Variants in DPYSL2 observed in about 807,000 individuals in gnomAD.
The protein encoded by DPYSL2 is dihydropyrimidinase like 2, also known as dihydropyrimidinase-related protein 2.
DPYSL2 carries 13 observed loss-of-function variants against 69.9 expected under a neutral mutation model. The observed-to-expected ratio is 0.19, with a 90% CI of 0.12 to 0.30. DPYSL2 has a LOEUF of 0.30. Among genes scored for constraint, DPYSL2 ranks in the 10% least tolerant of loss-of-function variants. The probability of loss-of-function intolerance (pLI) is 1.00; values close to 1 mark genes in which losing one functional copy is unlikely to be tolerated. For synonymous variants in DPYSL2, 326 were observed against 359.1 expected, an observed-to-expected ratio of 0.91 and a Z score of 1.04; for missense variants, 587 against 918.9, an observed-to-expected ratio of 0.64 and a Z score of 4.67.
At chr8:26,595,233 A>G (rs1228973293) in intron 3 of DPYSL2, among the ~76,000 whole-genome samples, 1 of 152,038 alleles carries the variant, frequency 6.6e-6, no homozygotes, top group Non-Finnish European at 1.5e-5. Context: ...AAAAAAAGGT[A>G]TAATGTAGCT....
chr8:26,535,840 A>T (rs1800582976), intron 1 of DPYSL2, among the ~76,000 whole-genome samples: 1 of 151,930 alleles, frequency 6.6e-6, no homozygotes, highest in South Asian at 2.1e-4. Flanking sequence ...GTCCTTGTAA[A>T]GTATTGTTAC....
At chr8:26,637,325 C>A (rs1802944214) in intron 8 of DPYSL2, among the ~76,000 whole-genome samples, 1 of 152,224 alleles carries the variant, frequency 6.6e-6, no homozygotes, top group Non-Finnish European at 1.5e-5. Context: ...TAGGCTCTTT[C>A]CCATCTTGCT....
Position 26,624,404 on chromosome 8 carries a change from C to A in DPYSL2, c.793+97C>A. On this transcript the variant is annotated intron_variant, in intron 4 of 13. Transcript: ENST00000521913. This position sits in a 1 kb window ranked among gnomAD's most constrained non-coding sequence, Gnocchi z 4.7. ...AGAAAGTGATAATGCTTCCAGATCC[C>A]ATTTGTGCCTCATGCCCATGCCTGC... 2 of 1,461,400 alleles carry A rather than the reference C, an allele frequency of 1.4e-6. No homozygotes were observed. The highest frequency in any genetic ancestry group is 1.3e-5 in the South Asian group (1 of 77,286). 90.5% of individuals were successfully genotyped at this position (1,461,400 alleles called of 1,614,324 possible).
intron 3 of DPYSL2, among the ~76,000 whole-genome samples, chr8:26,616,605 G>T (rs1000131798): frequency 2.0e-5 from 3 of 152,248 alleles, no homozygotes; most frequent in Admixed American, 2.0e-4. Flanking sequence ...TGCTGATAGA[G>T]TAAATATCCA....
Position 26,517,784 on chromosome 8 carries a change from C to T in DPYSL2, c.354+3105C>T, listed in dbSNP as rs1808317100. On this transcript the variant is annotated intron_variant, in intron 1 of 13. Coordinates refer to ENST00000521913, the MANE Select transcript of DPYSL2 (RefSeq NM_001197293.3). This position sits in a 1 kb window ranked among gnomAD's most constrained non-coding sequence, Gnocchi z 4.2. ...TTCTCCTCCTCTCCAGGGCAGGTGCCGCTGAATGAACTGCACAGTGCTGCT... is the reference window on the plus strand; with the variant it reads ...TTCTCCTCCTCTCCAGGGCAGGTGCTGCTGAATGAACTGCACAGTGCTGCT... Among the ~76,000 whole-genome samples the T allele has an allele frequency of 6.6e-6, 1 of 152,212 alleles. No homozygotes were observed. The highest frequency in any genetic ancestry group is 6.5e-5 in the Admixed American group (1 of 15,288).
intron 1 of DPYSL2, among the ~76,000 whole-genome samples, chr8:26,519,899 C>G (rs1430112203): frequency 6.6e-6 from 1 of 152,148 alleles, no homozygotes; most frequent in East Asian, 1.9e-4. Flanking sequence ...GTAGATGTTA[C>G]TCTTATTCTT....
Position 26,516,942 on chromosome 8 carries a change from C to G in DPYSL2, c.354+2263C>G, listed in dbSNP as rs555691731. Among the ~76,000 whole-genome samples the G allele has an allele frequency of 8.0e-4, 122 of 152,272 alleles. No individual in the cohort carries two copies. Among genetic ancestry groups the G allele is most frequent in the African/African-American group, 2.9e-3 (121 of 41,554 alleles). ...GTTTATATTTATAACAATGTGACTTCCGAAAAGCTCAACTGGCCCACCATT... is the reference window on the plus strand; with the variant it reads ...GTTTATATTTATAACAATGTGACTTGCGAAAAGCTCAACTGGCCCACCATT... On this transcript the variant is annotated intron_variant, in intron 1 of 13. Transcript: ENST00000521913. The surrounding 1 kb of genome is among the most constrained non-coding windows in gnomAD (Gnocchi z 4.8).
At chr8:26,630,502 A>T (rs996138699) in intron 7 of DPYSL2, among the ~76,000 whole-genome samples, 1 of 152,212 alleles carries the variant, frequency 6.6e-6, no homozygotes, top group African/African-American at 2.4e-5. Context: ...CCCTGTTCAA[A>T]GCTGCCTTCA....
intron 3 of DPYSL2, among the ~76,000 whole-genome samples, chr8:26,594,685 A>G (rs927122062): frequency 6.6e-6 from 1 of 152,158 alleles, no homozygotes; most frequent in Non-Finnish European, 1.5e-5. Context: ...TCTATTGTTT[A>G]TCTAATCTAT....
At chr8:26,622,110 C>CTTCCTTCCTTCT (rs144121740) in intron 3 of DPYSL2, among the ~76,000 whole-genome samples, 1 of 44,588 alleles carries the variant, frequency 2.2e-5, no homozygotes, top group Non-Finnish European at 5.5e-5. Context: ...TCCTTCCTTC[C>CTTCCTTCCTTCT]TTCCTTCCTT....
In DPYSL2 at chr8:26,598,717, T is replaced by A. The variant is rs1437023191; in HGVS notation, c.628+14734T>A. On this transcript the variant is annotated intron_variant, in intron 3 of 13. Coordinates refer to ENST00000521913, the MANE Select transcript of DPYSL2 (RefSeq NM_001197293.3). The surrounding 1 kb of genome is among the most constrained non-coding windows in gnomAD (Gnocchi z 4.2). ...TGAAGCTTCAACACCAAAATCTCTC[T>A]GTTCCTTGTGGGTGGATGGGAGCCT... 8.5e-5 allele frequency among the ~76,000 whole-genome samples: 13 copies of A among 152,184 alleles called. No homozygotes were observed. Among genetic ancestry groups the A allele is most frequent in the African/African-American group, 3.1e-4 (13 of 41,444 alleles).
chr8:26,590,132 C>G (rs1315512355), intron 3 of DPYSL2, among the ~76,000 whole-genome samples: 2 of 152,232 alleles, frequency 1.3e-5, no homozygotes, highest in African/African-American at 4.8e-5. Context: ...TGATTATTCC[C>G]TTTGCAGCAC....
intron 1 of DPYSL2, among the ~76,000 whole-genome samples, chr8:26,535,631 A>ATTTT (rs1406854218): frequency 3.3e-5 from 5 of 149,730 alleles, no homozygotes; most frequent in African/African-American, 1.2e-4. Flanking sequence ...ATATATATAT[A>ATTTT]TATATTTTTT....
At chr8:26,600,644 T>C (rs1801970255) in intron 3 of DPYSL2, among the ~76,000 whole-genome samples, 1 of 152,172 alleles carries the variant, frequency 6.6e-6, no homozygotes, top group African/African-American at 2.4e-5. Context: ...CTGGCTCATC[T>C]GGTGTGGCAA....
rs1803043737 is a variant in DPYSL2 at position 26,641,453 on chromosome 8, G to A, written c.1127-1986G>A. On this transcript the variant is annotated intron_variant, in intron 8 of 13. Coordinates refer to ENST00000521913, the MANE Select transcript of DPYSL2 (RefSeq NM_001197293.3). The surrounding 1 kb of genome is among the most constrained non-coding windows in gnomAD (Gnocchi z 4.1). Reference sequence around the variant, plus strand: ...TGTTTGATCCTTGAACCAAAAGCGGGGAGCCAGAGAGATCCTTTGAGAACT... The same window carrying A: ...TGTTTGATCCTTGAACCAAAAGCGGAGAGCCAGAGAGATCCTTTGAGAACT... Among the ~76,000 whole-genome samples, 1 of 152,236 alleles carries A rather than the reference G, an allele frequency of 6.6e-6. No individual in the cohort carries two copies. Among genetic ancestry groups the A allele is most frequent in the Non-Finnish European group, 1.5e-5 (1 of 68,044 alleles).
chr8:26,556,750 A>G (rs1800994923), intron 1 of DPYSL2, among the ~76,000 whole-genome samples: 2 of 152,116 alleles, frequency 1.3e-5, no homozygotes, highest in African/African-American at 4.8e-5. Flanking sequence ...CTGAATCTAA[A>G]GTTTATATGG....
intron 1 of DPYSL2, among the ~76,000 whole-genome samples, chr8:26,525,892 T>C (rs1287271833): frequency 6.6e-6 from 1 of 152,238 alleles, no homozygotes; most frequent in Non-Finnish European, 1.5e-5. Flanking sequence ...TAAATTTATA[T>C]ATTGAGTTAT....
rs994691643 is a variant in DPYSL2, at chr8:26,598,182, G to A, written c.628+14199G>A. Among the ~76,000 whole-genome samples the A allele has an allele frequency of 1.3e-5, 2 of 152,184 alleles. No homozygotes were observed. The highest frequency in any genetic ancestry group is 4.8e-5 in the African/African-American group (2 of 41,436). On this transcript the variant is annotated intron_variant, in intron 3 of 13. Transcript: ENST00000521913. This position sits in a 1 kb window ranked among gnomAD's most constrained non-coding sequence, Gnocchi z 4.2. ...CCCAGTTTTGCTCCTGACCGTTGAA[G>A]CTTTTTATATTGACCCGTGGCTACT...
At chr8:26,532,989 A>C (rs2117613654) in intron 1 of DPYSL2, among the ~76,000 whole-genome samples, 1 of 152,274 alleles carries the variant, frequency 6.6e-6, no homozygotes, top group Admixed American at 6.5e-5. Flanking sequence ...TCAGCAGTGT[A>C]TGAGGGTTAG....
Sources: gnomAD v4.1 joint callset for allele counts (sites outside exome capture counted in the v4.1 genomes callset) on GRCh38, gnomAD v4.1.1 for gene constraint, Gnocchi (gnomAD v3.1) non-coding constraint, MANE v1.5 for transcripts, NCBI Gene and HGNC (gene_info 2026-07-23, HGNC 2026-07-21) for gene names.